The following BCAS4 variants were observed in gnomAD, a reference collection of about 807,000 sequenced individuals.
The protein encoded by BCAS4 is breast carcinoma-amplified sequence 4.
BCAS4 carries 9 observed loss-of-function variants against 15.7 expected under a neutral mutation model. The observed-to-expected ratio is 0.57, with a 90% CI of 0.34 to 1.00. The LOEUF (loss-of-function observed/expected upper bound fraction) is 1.00. BCAS4 is among the 50% of genes least tolerant of loss of function. The pLI is 0.02. For missense variants in BCAS4, 225 were observed against 239.1 expected (o/e 0.94, Z 0.39); for synonymous variants, 101 against 99.5 (o/e 1.02, Z -0.09).
chr20:50,815,722 G>A (rs1047181585), intron 1 of BCAS4, among the ~76,000 whole-genome samples: 4 of 152,180 alleles, frequency 2.6e-5, no homozygotes, highest in Admixed American at 1.3e-4. Flanking sequence ...TTGTGCAGTC[G>A]TTTATTTTGT....
At chr20:50,865,613 C>T (rs1039862638) in intron 4 of BCAS4, among the ~76,000 whole-genome samples, 3 of 152,226 alleles carry the variant, frequency 2.0e-5, no homozygotes, top group African/African-American at 4.8e-5. Context: ...GCTGCTGGCT[C>T]GCCCTGGACA....
chr20:50,856,028 ATG>A (rs1978743682), intron 4 of BCAS4, among the ~76,000 whole-genome samples: 1 of 152,188 alleles, frequency 6.6e-6, no homozygotes. Context: ...AGCCTGGCCC[ATG>A]TGTGGCATTC....
At chr20:50,846,286 C>G (rs2088542697) in intron 4 of BCAS4, among the ~76,000 whole-genome samples, 1 of 152,088 alleles carries the variant, frequency 6.6e-6, no homozygotes, top group Admixed American at 6.6e-5. Context: ...AGCTAAGCCC[C>G]TTCTGTGACA....
intron 2 of BCAS4, among the ~76,000 whole-genome samples, chr20:50,822,907 C>T (rs369707705): frequency 1.1e-4 from 17 of 151,756 alleles, no homozygotes; most frequent in African/African-American, 3.9e-4. Flanking sequence ...GGATTACAGG[C>T]GTGAGCCACT....
chr20:50,876,243 G>A (rs1303490213), intron 4 of BCAS4: 2 of 470,874 alleles, frequency 4.2e-6, no homozygotes, highest in South Asian at 2.0e-5. Context: ...GAGCCACTGC[G>A]CCTGGGCTGC....
intron 4 of BCAS4, among the ~76,000 whole-genome samples, chr20:50,846,941 A>G (rs890063345): frequency 1.3e-5 from 2 of 151,888 alleles, no homozygotes; most frequent in African/African-American, 4.8e-5. Flanking sequence ...AGTTCAAAAA[A>G]AAATTAAGCC....
At chr20:50,830,172 A>C (rs2088326316) in intron 2 of BCAS4, 107 bp from the exon 3 acceptor site, 3 of 855,160 alleles carry the variant, frequency 3.5e-6, no homozygotes, top group Middle Eastern at 2.8e-4. Context: ...GCCACCTGGC[A>C]CCTCAGCCAT....
chr20:50,836,389 C>G (rs1168311660), intron 3 of BCAS4, among the ~76,000 whole-genome samples: 2 of 152,142 alleles, frequency 1.3e-5, no homozygotes, highest in Non-Finnish European at 2.9e-5. Context: ...AAGGAAGACC[C>G]CCATCTCCAG....
At chr20:50,828,631 T>C (rs2088306794) in intron 2 of BCAS4, among the ~76,000 whole-genome samples, 1 of 152,010 alleles carries the variant, frequency 6.6e-6, no homozygotes, top group Non-Finnish European at 1.5e-5. Flanking sequence ...ATACAAAAAC[T>C]ACGCAGGCAT....
In BCAS4 at chr20:50,827,579, T is replaced by C. The variant is rs116151942; in HGVS notation, c.163-2700T>C. On this transcript the variant is annotated intron_variant, in intron 2 of 4. Coordinates refer to ENST00000371608, the MANE Select transcript of BCAS4 (RefSeq NM_198799.4). ...TCAGCTTGTCCCAGCTTTGGCCATT[T>C]CACTCTTGCAGGTTGGCTTCTGTGT... Among the ~76,000 whole-genome samples, 948 of 152,344 alleles carry C rather than the reference T, an allele frequency of 6.2e-3. 12 individuals carry two copies. Among genetic ancestry groups the C allele is most frequent in the African/African-American group, 0.022 (913 of 41,568 alleles).
chr20:50,801,246 G>A (rs1478423963), intron 1 of BCAS4, among the ~76,000 whole-genome samples: 1 of 152,082 alleles, frequency 6.6e-6, no homozygotes, highest in Non-Finnish European at 1.5e-5. Flanking sequence ...GGCCAACATG[G>A]TGAAACCCTG....
intron 2 of BCAS4, among the ~76,000 whole-genome samples, chr20:50,828,831 G>A (rs917613157): frequency 6.6e-6 from 1 of 152,098 alleles, no homozygotes; most frequent in African/African-American, 2.4e-5. Context: ...TTGGGGAGGG[G>A]ATTACATGAG....
chr20:50,795,028 G>T, upstream of BCAS4: 1 of 1,420,258 alleles, frequency 7.0e-7, no homozygotes, highest in South Asian at 1.4e-5. Context: ...CCGAGGCCCG[G>T]GCGCAACCAC....
intron 1 of BCAS4, among the ~76,000 whole-genome samples, chr20:50,802,864 A>C (rs911116298): frequency 6.6e-6 from 1 of 151,340 alleles, no homozygotes; most frequent in Non-Finnish European, 1.5e-5. Context: ...ACAGAGCCAG[A>C]CTCCATCTCA....
At position 50,826,388 on chromosome 20, in the gene BCAS4, C is replaced by T. The variant is rs149531131; in HGVS notation, c.163-3891C>T. Among the ~76,000 whole-genome samples the T allele has an allele frequency of 9.8e-3, 1,486 of 152,202 alleles. 32 individuals are homozygous for T. Among genetic ancestry groups the T allele is most frequent in the African/African-American group, 0.034 (1,427 of 41,526 alleles). On this transcript the variant is annotated intron_variant, in intron 2 of 4. Coordinates refer to ENST00000371608, the MANE Select transcript of BCAS4 (RefSeq NM_198799.4). ...GGGAGCAGTCCCAGCCTTTGCTGCCCGGGGAGACTCAGGCCCATCATTGCC... is the reference window on the plus strand; with the variant it reads ...GGGAGCAGTCCCAGCCTTTGCTGCCTGGGGAGACTCAGGCCCATCATTGCC...
intron 4 of BCAS4, 39 bp downstream of exon 4, chr20:50,841,939 C>A: frequency 6.6e-7 from 1 of 1,525,834 alleles, no homozygotes; most frequent in Non-Finnish European, 8.8e-7. Context: ...GAGGGCCTCT[C>A]CCCCTTCGCT....
intron 4 of BCAS4, among the ~76,000 whole-genome samples, chr20:50,862,707 G>T (rs1455411546): frequency 6.6e-6 from 1 of 152,020 alleles, no homozygotes. Flanking sequence ...CTGCACTTGG[G>T]CTGTGCTTCT....
intron 1 of BCAS4, among the ~76,000 whole-genome samples, chr20:50,798,258 T>C (rs1317798760): frequency 6.6e-6 from 1 of 152,048 alleles, no homozygotes. Context: ...ATCATGCCAC[T>C]GCACTCCAGC....
intron 2 of BCAS4, among the ~76,000 whole-genome samples, chr20:50,824,067 CATT>C (rs1408346073): frequency 1.3e-5 from 2 of 152,138 alleles, no homozygotes; most frequent in Non-Finnish European, 2.9e-5. Context: ...ATGCCATCAT[CATT>C]GTTACCAAAG....
Sources: gnomAD v4.1 joint callset for allele counts (sites outside exome capture counted in the v4.1 genomes callset) on GRCh38, gnomAD v4.1.1 for gene constraint, MANE v1.5 for transcripts, NCBI Gene and HGNC (gene_info 2026-07-23, HGNC 2026-07-21) for gene names.